ZHX3: variants seen among roughly 807,000 people sequenced by gnomAD.
ZHX3 encodes zinc fingers and homeoboxes protein 3.
In ZHX3, 20 loss-of-function variants were observed where a neutral mutation model predicts 64.5. The ratio of observed to expected loss-of-function variants is 0.31; its 90% CI spans 0.22 to 0.45. The LOEUF is 0.45. Among genes scored for constraint, ZHX3 ranks in the 20% least tolerant of loss-of-function variants. The probability of loss-of-function intolerance (pLI) is 1.00; values close to 1 mark genes in which losing one functional copy is unlikely to be tolerated. For synonymous variants in ZHX3, 423 were observed against 461.6 expected, an observed-to-expected ratio of 0.92 and a Z score of 1.07; for missense variants, 1,041 against 1,195.8, an observed-to-expected ratio of 0.87 and a Z score of 1.91.
At position 41,232,731 on chromosome 20, in the gene ZHX3, G is replaced by A. The variant is rs1250116099; in HGVS notation, c.-150-27665C>T. Among the ~76,000 whole-genome samples the A allele has an allele frequency of 2.6e-5, 4 of 151,988 alleles. No homozygotes were observed. Among genetic ancestry groups the A allele is most frequent in the Admixed American group, 2.0e-4 (3 of 15,252 alleles). On this transcript the variant is annotated intron_variant, in intron 2 of 3. Coordinates refer to ENST00000683867, the MANE Select transcript of ZHX3 (RefSeq NM_001384317.1). The surrounding 1 kb of genome is among the most constrained non-coding windows in gnomAD (Gnocchi z 5.0). ...CAGCCTCCCGCGGGGGACTACAGGC[G>A]CCCACCACCTCGCCCGGCTAATTTT...
intron 3 of ZHX3, among the ~76,000 whole-genome samples, chr20:41,194,582 A>G (rs1301520886): frequency 6.6e-6 from 1 of 152,142 alleles, no homozygotes; most frequent in African/African-American, 2.4e-5. Context: ...TGGTGACCTC[A>G]TGAGTTAAGA....
intron 2 of ZHX3, among the ~76,000 whole-genome samples, chr20:41,263,524 A>T (rs1249824099): frequency 1.3e-5 from 2 of 151,732 alleles, no homozygotes; most frequent in African/African-American, 4.8e-5. Context: ...CCTCCAGAGT[A>T]GCTGGGACTA....
intron 2 of ZHX3, among the ~76,000 whole-genome samples, chr20:41,231,289 C>T (rs1382055533): frequency 6.6e-6 from 1 of 152,166 alleles, no homozygotes. Flanking sequence ...CATTTCTCAG[C>T]TTGGCATGGG....
chr20:41,223,597 G>A (rs1011096573), intron 2 of ZHX3, among the ~76,000 whole-genome samples: 2 of 152,166 alleles, frequency 1.3e-5, no homozygotes, highest in African/African-American at 2.4e-5. Flanking sequence ...GAAATACCTC[G>A]AGAAAAATAT....
intron 2 of ZHX3, among the ~76,000 whole-genome samples, chr20:41,243,687 T>C (rs1186217471): frequency 2.0e-5 from 3 of 152,126 alleles, no homozygotes; most frequent in Non-Finnish European, 4.4e-5. Flanking sequence ...ATTATTATTA[T>C]AATAACAATA....
At chr20:41,310,250 C>T (rs1174498243) in intron 1 of ZHX3, among the ~76,000 whole-genome samples, 1 of 152,216 alleles carries the variant, frequency 6.6e-6, no homozygotes, top group African/African-American at 2.4e-5. Context: ...GGTCCTATCT[C>T]AGTGGAGCCC....
chr20:41,244,444 C>T, intron 2 of ZHX3, among the ~76,000 whole-genome samples: 1 of 152,132 alleles, frequency 6.6e-6, no homozygotes, highest in East Asian at 1.9e-4. Flanking sequence ...GCTGAGCCAG[C>T]AGGATCACTT....
chr20:41,315,812 C>G (rs1032111043), intron 1 of ZHX3, among the ~76,000 whole-genome samples: 3 of 151,900 alleles, frequency 2.0e-5, no homozygotes. Flanking sequence ...GGCTAAAAGG[C>G]TTAATACCAA....
Position 41,218,400 on chromosome 20 carries a change from T to G in ZHX3, c.-150-13334A>C, listed in dbSNP as rs547809777. ...TCGTAGCTGCAGTGAGTTGGGATTATGCTACTGCACTTTAGCCTGGGCAAC... is the reference window on the plus strand; with the variant it reads ...TCGTAGCTGCAGTGAGTTGGGATTAGGCTACTGCACTTTAGCCTGGGCAAC... On this transcript the variant is annotated intron_variant, in intron 2 of 3. Transcript: ENST00000683867. Among the ~76,000 whole-genome samples the G allele has an allele frequency of 2.6e-5, 4 of 151,472 alleles. No individual in the cohort carries two copies. The South Asian group carries it at 8.4e-4, about 32-fold the overall frequency.
chr20:41,230,253 T>C (rs947376090), intron 2 of ZHX3, among the ~76,000 whole-genome samples: 3 of 152,218 alleles, frequency 2.0e-5, no homozygotes, highest in Non-Finnish European at 2.9e-5. Flanking sequence ...TTGGCTCTCA[T>C]TGTATTTCTG....
intron 1 of ZHX3, among the ~76,000 whole-genome samples, chr20:41,297,488 G>C (rs1214577446): frequency 6.6e-6 from 1 of 152,192 alleles, no homozygotes; most frequent in African/African-American, 2.4e-5. Context: ...CTGGGGGAAG[G>C]GGAAACATAG....
chr20:41,279,561 C>G (rs2043567081), intron 1 of ZHX3, among the ~76,000 whole-genome samples: 2 of 152,218 alleles, frequency 1.3e-5, no homozygotes, highest in South Asian at 4.1e-4. Flanking sequence ...TCTTGTTCAT[C>G]ATAAATAATG....
At chr20:41,283,341 T>C (rs2043784884) in intron 1 of ZHX3, among the ~76,000 whole-genome samples, 1 of 152,162 alleles carries the variant, frequency 6.6e-6, no homozygotes, top group Non-Finnish European at 1.5e-5. Context: ...CCAAAGTCCA[T>C]AATGCAGGGT....
chr20:41,219,088 C>A lies in ZHX3; in HGVS notation c.-150-14022G>T, dbSNP rs906094603. Among the ~76,000 whole-genome samples, 1 of 152,090 alleles carries A rather than the reference C, an allele frequency of 6.6e-6. No individual in the cohort carries two copies. Among genetic ancestry groups the A allele is most frequent in the Non-Finnish European group, 1.5e-5 (1 of 68,022 alleles). On this transcript the variant is annotated intron_variant, in intron 2 of 3. Coordinates refer to ENST00000683867, the MANE Select transcript of ZHX3 (RefSeq NM_001384317.1). This position sits in a 1 kb window ranked among gnomAD's most constrained non-coding sequence, Gnocchi z 5.0. ...GGGACTACATGTGTCTGCCACCACG[C>A]CCAGCTAATTTTTTGTATTTTTATT...
intron 2 of ZHX3, among the ~76,000 whole-genome samples, chr20:41,247,833 G>A (rs2041786981): frequency 6.6e-6 from 1 of 152,130 alleles, no homozygotes; most frequent in Non-Finnish European, 1.5e-5. Context: ...ACTTCAGCCT[G>A]GTATCATGAT....
At chr20:41,301,191 C>CT (rs1334683056) in intron 1 of ZHX3, among the ~76,000 whole-genome samples, 2 of 152,138 alleles carry the variant, frequency 1.3e-5, no homozygotes, top group Non-Finnish European at 2.9e-5. Context: ...TGAACCTCTT[C>CT]TTTAAGCTCC....
intron 1 of ZHX3, among the ~76,000 whole-genome samples, chr20:41,282,016 CCTT>C (rs1175533952): frequency 6.6e-6 from 1 of 152,092 alleles, no homozygotes; most frequent in African/African-American, 2.4e-5. Flanking sequence ...AATCGGTAGT[CCTT>C]CTTGTGGATT....
At chr20:41,299,441 A>T (rs1190002047) in intron 1 of ZHX3, among the ~76,000 whole-genome samples, 1 of 152,240 alleles carries the variant, frequency 6.6e-6, no homozygotes, top group Non-Finnish European at 1.5e-5. Flanking sequence ...TCTAAAAATC[A>T]CAGCCACTGA....
chr20:41,210,765 A>G (rs930298876), intron 2 of ZHX3, among the ~76,000 whole-genome samples: 1 of 152,190 alleles, frequency 6.6e-6, no homozygotes, highest in African/African-American at 2.4e-5. Flanking sequence ...AGTGCAGCAC[A>G]CCAACATGGC....
Sources: gnomAD v4.1 joint callset for allele counts (sites outside exome capture counted in the v4.1 genomes callset) on GRCh38, gnomAD v4.1.1 for gene constraint, Gnocchi (gnomAD v3.1) non-coding constraint, MANE v1.5 for transcripts, NCBI Gene and HGNC (gene_info 2026-07-23, HGNC 2026-07-21) for gene names.